Variants in KCNT2 observed in about 807,000 individuals in gnomAD.
The protein encoded by KCNT2 is potassium sodium-activated channel subfamily T member 2.
A neutral mutation model predicts 153.8 loss-of-function variants in KCNT2; 67 were observed. The observed-to-expected ratio is 0.44, with a 90% CI of 0.36 to 0.53. The LOEUF (loss-of-function observed/expected upper bound fraction) is 0.53, where lower values mean the gene tolerates loss of function less well. KCNT2 is among the 20% of genes least tolerant of loss of function. KCNT2 has a pLI of 0.00. For synonymous variants in KCNT2, 500 were observed against 458.8 expected (o/e 1.09, Z -1.15); for missense variants, 975 against 1,354.8 (o/e 0.72, Z 4.40).
intron 1 of KCNT2, among the ~76,000 whole-genome samples, chr1:196,552,769 G>A (rs1400700997): frequency 6.6e-6 from 1 of 151,348 alleles, no homozygotes; most frequent in African/African-American, 2.4e-5. Context: ...AAAAAGCAGG[G>A]AAATATAGTT....
intron 1 of KCNT2, among the ~76,000 whole-genome samples, chr1:196,513,083 T>C (rs1339498601): frequency 6.6e-6 from 1 of 152,202 alleles, no homozygotes. Flanking sequence ...CAATTAATTC[T>C]AATTATGGCA....
chr1:196,472,845 G>A lies in KCNT2; in HGVS notation c.385-3777C>T, dbSNP rs1678214442. ...CTTTTTGACTTGTTAAGCCTAGTTAGCCACCATCCCATCATTCTTGCCCCA... is the reference window on the plus strand; with the variant it reads ...CTTTTTGACTTGTTAAGCCTAGTTAACCACCATCCCATCATTCTTGCCCCA... On this transcript the variant is annotated intron_variant, in intron 5 of 27. Coordinates refer to ENST00000294725, the MANE Select transcript of KCNT2 (RefSeq NM_198503.5). Among the ~76,000 whole-genome samples, 3 of 152,072 alleles carry A rather than the reference G, an allele frequency of 2.0e-5. No homozygotes were observed. In the South Asian group the frequency reaches 6.2e-4, roughly 32 times the overall value.
At chr1:196,573,916 T>G (rs754348665) in intron 1 of KCNT2, among the ~76,000 whole-genome samples, 1 of 151,868 alleles carries the variant, frequency 6.6e-6, no homozygotes, top group Non-Finnish European at 1.5e-5. Context: ...TTAATTAACT[T>G]ATAATAGTGT....
intron 1 of KCNT2, among the ~76,000 whole-genome samples, chr1:196,550,047 A>G (rs866822913): frequency 6.6e-6 from 1 of 151,920 alleles, no homozygotes; most frequent in Non-Finnish European, 1.5e-5. Flanking sequence ...TATCAGAATG[A>G]TATACCAGTT....
rs143064439 is a variant in KCNT2, at chr1:196,484,597, G to C, written c.276-2218C>G. Among the ~76,000 whole-genome samples the C allele has an allele frequency of 3.6e-3, 547 of 152,090 alleles. 3 individuals are homozygous for C. Among genetic ancestry groups the C allele is most frequent in the African/African-American group, 0.012 (515 of 41,502 alleles). On this transcript the variant is annotated intron_variant, in intron 3 of 27. Coordinates refer to ENST00000294725, the MANE Select transcript of KCNT2 (RefSeq NM_198503.5). ...TTGGCATTTTTGTCATGAAGTCTTTGCCCATGCCTATCTCCTGAATGGTAT... is the reference window on the plus strand; with the variant it reads ...TTGGCATTTTTGTCATGAAGTCTTTCCCCATGCCTATCTCCTGAATGGTAT...
chr1:196,343,834 C>T (rs1241109755), intron 14 of KCNT2, among the ~76,000 whole-genome samples: 1 of 152,116 alleles, frequency 6.6e-6, no homozygotes, highest in Non-Finnish European at 1.5e-5. Context: ...GGCTGGACAG[C>T]AATGGCACGA....
chr1:196,330,230 T>C (rs1178032412), intron 18 of KCNT2, among the ~76,000 whole-genome samples: 1 of 151,560 alleles, frequency 6.6e-6, no homozygotes. Flanking sequence ...ATATTTGTCA[T>C]ATAAAAATAA....
intron 12 of KCNT2, among the ~76,000 whole-genome samples, chr1:196,415,338 A>T (rs1398701330): frequency 3.3e-5 from 5 of 151,872 alleles, no homozygotes. Flanking sequence ...GTAAGACATA[A>T]TGTAGTGTTT....
intron 22 of KCNT2, among the ~76,000 whole-genome samples, chr1:196,298,529 G>T (rs1048066510): frequency 6.6e-6 from 1 of 152,082 alleles, no homozygotes; most frequent in Non-Finnish European, 1.5e-5. Context: ...CTGTGATGTT[G>T]GGGTGCCCCA....
chr1:196,591,523 TGC>T lies in KCNT2; in HGVS notation c.95+16690_95+16691del, dbSNP rs1291399660. On this transcript the variant is annotated intron_variant, in intron 1 of 27. Transcript: ENST00000294725. ...ATGATGGCTTTGTTAAAAGAAGTTT[TGC>T]ATTCTGAAGACTCATTAATCAACAT... Among the ~76,000 whole-genome samples the T allele has an allele frequency of 4.1e-4, 63 of 152,312 alleles. 1 individual carries two copies. Among genetic ancestry groups the T allele is most frequent in the Middle Eastern group, 3.4e-3 (1 of 292 alleles).
chr1:196,487,510 A>C (rs1013778781), intron 3 of KCNT2, among the ~76,000 whole-genome samples: 14 of 151,772 alleles, frequency 9.2e-5, no homozygotes, highest in African/African-American at 3.4e-4. Flanking sequence ...CACAATGACC[A>C]GAAACACCAG....
intron 21 of KCNT2, among the ~76,000 whole-genome samples, chr1:196,311,149 T>C (rs1466408178): frequency 6.6e-6 from 1 of 151,904 alleles, no homozygotes; most frequent in Non-Finnish European, 1.5e-5. Context: ...TATACAATTC[T>C]ACATATTTTC....
At position 196,443,210 on chromosome 1, in the gene KCNT2, G is replaced by T. The variant is rs1318966245; in HGVS notation, c.639-13453C>A. ...GGGAAGAAATACAAATTTTATTTTG[G>T]ACATATTTAGTTTGAGGAATCTAAG... is the stretch of plus-strand genomic sequence containing the variant. On this transcript the variant is annotated intron_variant, in intron 8 of 27. Transcript: ENST00000294725. Among the ~76,000 whole-genome samples the T allele has an allele frequency of 5.9e-5, 9 of 151,554 alleles. No individual in the cohort carries two copies. The Admixed American group carries it at 5.9e-4, about 10-fold the overall frequency.
chr1:196,321,941 T>G (rs543301042), intron 19 of KCNT2, among the ~76,000 whole-genome samples: 3 of 151,964 alleles, frequency 2.0e-5, no homozygotes, highest in African/African-American at 7.2e-5. Context: ...AGGCTCATAA[T>G]AAAACAATTT....
intron 27 of KCNT2, among the ~76,000 whole-genome samples, chr1:196,234,765 G>A (rs551447777): frequency 6.6e-6 from 1 of 151,346 alleles, no homozygotes; most frequent in Non-Finnish European, 1.5e-5. Context: ...AATGTTCTCA[G>A]TCCTGCTAGT....
intron 1 of KCNT2, among the ~76,000 whole-genome samples, chr1:196,494,504 A>G (rs556274625): frequency 6.6e-6 from 1 of 151,976 alleles, no homozygotes; most frequent in African/African-American, 2.4e-5. Context: ...GGTTCACGCC[A>G]TTCTTCTCCT....
intron 16 of KCNT2, among the ~76,000 whole-genome samples, chr1:196,334,856 A>G (rs78877435): frequency 0.05 from 7,539 of 151,998 alleles, 286 homozygotes; most frequent in Non-Finnish European, 0.072. Context: ...TTGATAGGAG[A>G]GAAGGCCACT....
In KCNT2 at chr1:196,468,179, T is replaced by C. The variant is rs1370242260; in HGVS notation, c.460-393A>G. Among the ~76,000 whole-genome samples the C allele has an allele frequency of 8.5e-5, 13 of 152,194 alleles. No individual in the cohort carries two copies. The East Asian group carries it at 2.1e-3, about 25-fold the overall frequency. The stretch of plus-strand genomic sequence containing the variant: ...TTCATAATATTGCCTCTTACTCTCT[T>C]TATGTTAAACCACTTTAAGCGACAT... On this transcript the variant is annotated intron_variant, in intron 6 of 27. Transcript: ENST00000294725.
rs535210742 is a variant in KCNT2, at chr1:196,338,609, A to G, written c.1783+1732T>C. On this transcript the variant is annotated intron_variant, in intron 16 of 27. Coordinates refer to ENST00000294725, the MANE Select transcript of KCNT2 (RefSeq NM_198503.5). ...TAGACTTTTTTTTCCAATGGGTAGT[A>G]TAAAGCAGGTGATTTGTTCAGGAAA... 3.3e-5 allele frequency among the ~76,000 whole-genome samples: 5 copies of G among 152,204 alleles called. No individual in the cohort carries two copies. In the East Asian group the frequency reaches 7.7e-4, roughly 24 times the overall value.
Sources: allele counts gnomAD v4.1 joint callset (sites outside exome capture counted in the v4.1 genomes callset), GRCh38; gene constraint gnomAD v4.1.1; transcripts MANE v1.5; gene names NCBI Gene and HGNC (gene_info 2026-07-23, HGNC 2026-07-21).